WTAP: variants seen among roughly 807,000 people sequenced by gnomAD.
The protein encoded by WTAP is WT1 associated protein, also known as pre-mRNA-splicing regulator WTAP.
WTAP carries 8 observed loss-of-function variants against 50.0 expected under a neutral mutation model. That is an observed-to-expected ratio of 0.16 (90% CI 0.09 to 0.29). WTAP has a LOEUF of 0.29. WTAP is among the 10% of genes least tolerant of loss of function. The pLI is 1.00. For missense variants in WTAP, 295 were observed against 470.7 expected, an observed-to-expected ratio of 0.63 and a Z score of 3.45; for synonymous variants, 194 against 169.0, an observed-to-expected ratio of 1.15 and a Z score of -1.15.
In WTAP at chr6:159,739,168, G is replaced by A. The variant is rs1779094620; in HGVS notation, c.86+123G>A. ...TTGTTCTATCCTCAAATAATTTAAT[G>A]TACTTTTTGAGCATACTATGACCTA... On this transcript the variant is annotated intron_variant, in intron 3 of 7. Coordinates refer to ENST00000621533, the MANE Select transcript of WTAP (RefSeq NM_001270531.2). 9.0e-6 allele frequency: 7 copies of A among 774,012 alleles called. No individual in the cohort carries two copies. In the South Asian group the frequency reaches 1.4e-4, roughly 16 times the overall value. The allele number at this position is 774,012 out of a possible 1,614,324, so 47.9% of individuals were successfully genotyped here.
chr6:159,739,306 T>C (rs1779102834), intron 3 of WTAP, among the ~76,000 whole-genome samples: 1 of 152,242 alleles, frequency 6.6e-6, no homozygotes, highest in South Asian at 2.1e-4. Context: ...TGTTTAACAT[T>C]TGAAAAAGAA....
intron 6 of WTAP, among the ~76,000 whole-genome samples, chr6:159,751,726 A>G (rs1779828221): frequency 6.6e-6 from 1 of 152,194 alleles, no homozygotes; most frequent in Non-Finnish European, 1.5e-5. Context: ...TATTTTCTGG[A>G]AGAAAGCTTA....
At chr6:159,740,988 C>T (rs1472263320) in intron 3 of WTAP, among the ~76,000 whole-genome samples, 1 of 152,064 alleles carries the variant, frequency 6.6e-6, no homozygotes, top group Admixed American at 6.6e-5. Flanking sequence ...AGGCACGAGC[C>T]TTTTTGTTCA....
chr6:159,743,531 G>A lies in WTAP; in HGVS notation c.146-134G>A, dbSNP rs901162616. The A allele has an allele frequency of 5.6e-5, 45 of 800,546 alleles. 1 individual carries two copies. In the South Asian group the frequency reaches 7.0e-4, roughly 13 times the overall value. The allele number at this position is 800,546 out of a possible 1,614,324, so 49.6% of individuals were successfully genotyped here. A position where few individuals can be genotyped will look rare whatever the true frequency, so the allele number is the denominator to read the frequency against. The stretch of plus-strand genomic sequence containing the variant: ...AGCTCTCGTGACCAGGAAGAAATTC[G>A]CCTGTTATAAAAGTAGTTAGGATGG... On this transcript the variant is annotated intron_variant, in intron 4 of 7. Coordinates refer to ENST00000621533, the MANE Select transcript of WTAP (RefSeq NM_001270531.2).
At chr6:159,744,016 T>C (rs1034580959) in intron 5 of WTAP, among the ~76,000 whole-genome samples, 2 of 152,200 alleles carry the variant, frequency 1.3e-5, no homozygotes, top group African/African-American at 4.8e-5. Context: ...TTTTGAAATT[T>C]TCATGCCTTA....
intron 5 of WTAP, chr6:159,745,018 C>A (rs1410213637): frequency 6.6e-6 from 1 of 152,168 alleles, no homozygotes; most frequent in Non-Finnish European, 1.5e-5. Context: ...ACATTTTGTC[C>A]TTTTGTTTCT....
chr6:159,753,417 A>C, intron 6 of WTAP, 43 bp from the exon 7 acceptor site: 1 of 1,613,444 alleles, frequency 6.2e-7, no homozygotes, highest in African/African-American at 1.3e-5. Context: ...AAAGACAGAG[A>C]GTTTTGTCTT....
intron 1 of WTAP, among the ~76,000 whole-genome samples, chr6:159,729,287 AG>A (rs1255920505): frequency 6.6e-6 from 1 of 152,200 alleles, no homozygotes; most frequent in African/African-American, 2.4e-5. Flanking sequence ...GACTGAAGAT[AG>A]TATTTTGGTT....
rs1779974004 is a variant in WTAP at position 159,755,611 on chromosome 6, A to G, written c.1191A>G (p.Ter397=). ...TAAATGTACAGGGTTCAGTTTTGTA[A>G]TATTTTTTCAGCAAATTTTTATACA... ...SSVNVQGSVL[*] The change falls in exon 8 of 8, where the codon TAA becomes TAG. Residue 397 remains the stop codon, a stop_retained_variant. Coordinates refer to ENST00000621533, the MANE Select transcript of WTAP (RefSeq NM_001270531.2). 1 of 1,586,470 alleles carries G rather than the reference A, an allele frequency of 6.3e-7. No individual in the cohort carries two copies. Among genetic ancestry groups the G allele is most frequent in the Non-Finnish European group, 8.6e-7 (1 of 1,166,614 alleles).
At chr6:159,739,824 C>CTTTTTTTTTTTTTTTTTTTTT (rs56389349) in intron 3 of WTAP, among the ~76,000 whole-genome samples, 1 of 85,158 alleles carries the variant, frequency 1.2e-5, no homozygotes, top group Non-Finnish European at 2.2e-5. Flanking sequence ...CACTTTTTAC[C>CTTTTTTTTTTTTTTTTTTTTT]TTTTTTTTTT....
chr6:159,738,038 A>G (rs952831440), intron 2 of WTAP, among the ~76,000 whole-genome samples: 6 of 152,198 alleles, frequency 3.9e-5, no homozygotes, highest in African/African-American at 1.4e-4. Context: ...ATAACTGTGA[A>G]AATCAGGGAA....
intron 1 of WTAP, among the ~76,000 whole-genome samples, chr6:159,732,521 T>G (rs1359522291): frequency 3.3e-5 from 5 of 152,220 alleles, no homozygotes; most frequent in African/African-American, 9.6e-5. Flanking sequence ...GCTAAAATTG[T>G]CTTTAAGATT....
chr6:159,727,815 G>A (rs1320881281), intron 1 of WTAP, 112 bp downstream of exon 1: 15 of 766,914 alleles, frequency 2.0e-5, no homozygotes, highest in Non-Finnish European at 2.4e-5. Flanking sequence ...AAGGCCACAC[G>A]GGCCTGGTGC....
chr6:159,753,665 T>C (rs1281079688), intron 7 of WTAP, 51 bp downstream of exon 7: 1 of 1,552,612 alleles, frequency 6.4e-7, no homozygotes, highest in Admixed American at 2.0e-5. Context: ...GCATTGGCTT[T>C]TTAAAACTGC....
intron 2 of WTAP, among the ~76,000 whole-genome samples, chr6:159,737,277 G>A (rs1361225719): frequency 1.3e-5 from 2 of 152,070 alleles, no homozygotes; most frequent in Non-Finnish European, 2.9e-5. Context: ...TCGAACTCCC[G>A]GGCTCAAGAG....
chr6:159,729,174 A>G (rs1778412433), intron 1 of WTAP, among the ~76,000 whole-genome samples: 1 of 152,222 alleles, frequency 6.6e-6, no homozygotes. Flanking sequence ...TGTATGTAGT[A>G]TTGAATCCCC....
rs573107882 is a variant in WTAP at position 159,747,467 on chromosome 6, ATTC to A, written c.274-723_274-721del. Among the ~76,000 whole-genome samples, 129 of 152,352 alleles carry A rather than the reference ATTC, an allele frequency of 8.5e-4. 2 individuals are homozygous for A. The highest frequency in any genetic ancestry group is 1.5e-3 in the Admixed American group (23 of 15,296). On this transcript the variant is annotated intron_variant, in intron 5 of 7. Coordinates refer to ENST00000621533, the MANE Select transcript of WTAP (RefSeq NM_001270531.2). ...CTTTACAATTCTATGATTCGGATCT[ATTC>A]AGAAGGGGAAAAATATGAATTATAC... is the stretch of plus-strand genomic sequence containing the variant.
intron 1 of WTAP, 31 bp downstream of exon 1, chr6:159,727,734 G>C: frequency 2.0e-6 from 2 of 985,466 alleles, no homozygotes; most frequent in South Asian, 9.4e-5. Context: ...GGGAGCGGAC[G>C]CGGGGGACCT....
At chr6:159,744,713 T>TC (rs916887423) in intron 5 of WTAP, among the ~76,000 whole-genome samples, 13 of 152,118 alleles carry the variant, frequency 8.5e-5, no homozygotes, top group African/African-American at 1.2e-4. Flanking sequence ...TACTTTTTTT[T>TC]CCCACTAACC....
Sources: allele counts gnomAD v4.1 joint callset (sites outside exome capture counted in the v4.1 genomes callset), GRCh38; gene constraint gnomAD v4.1.1; transcripts MANE v1.5; gene names NCBI Gene and HGNC (gene_info 2026-07-23, HGNC 2026-07-21).